The following IL1RAPL2 variants were observed in gnomAD, a reference collection of about 807,000 sequenced individuals.
IL1RAPL2 encodes the protein X-linked interleukin-1 receptor accessory protein-like 2.
In IL1RAPL2, 3 loss-of-function variants were observed where a neutral mutation model predicts 44.1. The ratio of observed to expected loss-of-function variants is 0.07; its 90% CI spans 0.03 to 0.18. The LOEUF is 0.18. Ranked by LOEUF, IL1RAPL2 falls within the 10% of genes least tolerant of loss-of-function variation. IL1RAPL2 has a pLI of 1.00. For synonymous variants in IL1RAPL2, 181 were observed against 178.8 expected, an observed-to-expected ratio of 1.01 and a Z score of -0.10; for missense variants, 391 against 496.4, an observed-to-expected ratio of 0.79 and a Z score of 2.02.
chrX:105,423,937 A>G (rs1306802349), intron 5 of IL1RAPL2, among the ~76,000 whole-genome samples: 1 of 110,499 alleles, frequency 9.0e-6, no homozygotes, highest in Non-Finnish European at 1.9e-5. Context: ...GAGATCAGGG[A>G]TTATCTGGAG....
chrX:104,724,652 C>T (rs796722408), intron 2 of IL1RAPL2, among the ~76,000 whole-genome samples: 1 of 111,068 alleles, frequency 9.0e-6, no homozygotes, highest in Non-Finnish European at 1.9e-5. Context: ...TGTTAAAAAC[C>T]ACCAAAAAGG....
At chrX:104,774,436 CTAAG>C (rs1234585657) in intron 2 of IL1RAPL2, among the ~76,000 whole-genome samples, 1 of 111,861 alleles carries the variant, frequency 8.9e-6, no homozygotes, top group East Asian at 2.8e-4. Context: ...TTGTGCATGA[CTAAG>C]TAGTAGTACT....
At chrX:104,842,206 C>T (rs185313409) in intron 2 of IL1RAPL2, among the ~76,000 whole-genome samples, 69 of 109,373 alleles carry the variant, frequency 6.3e-4, no homozygotes, top group Non-Finnish European at 1.1e-3. Context: ...GTATGCTTCA[C>T]GAAGTTCTCG....
intron 5 of IL1RAPL2, among the ~76,000 whole-genome samples, chrX:105,418,763 A>G (rs2035752817): frequency 8.9e-6 from 1 of 112,044 alleles, no homozygotes; most frequent in Admixed American, 9.5e-5. Context: ...AATACCCAGC[A>G]TACTTGTCAT....
At chrX:104,688,668 CCT>C (rs1323973535) in intron 2 of IL1RAPL2, among the ~76,000 whole-genome samples, 1 of 111,758 alleles carries the variant, frequency 8.9e-6, no homozygotes, top group Non-Finnish European at 1.9e-5. Flanking sequence ...AAGATTTTCA[CCT>C]CTCTTGTTTA....
intron 6 of IL1RAPL2, among the ~76,000 whole-genome samples, chrX:105,591,382 G>A (rs1342814692): frequency 6.4e-5 from 7 of 109,996 alleles, no homozygotes; most frequent in Non-Finnish European, 1.3e-4. Flanking sequence ...TGGTGTCTTC[G>A]ATTTTTTGTG....
chrX:105,406,648 G>T (rs2035647618), intron 5 of IL1RAPL2: 1 of 1,148,765 alleles, frequency 8.7e-7, no homozygotes, highest in Admixed American at 2.2e-5. Flanking sequence ...AATCTTTGCT[G>T]TGCAAATCTT....
intron 2 of IL1RAPL2, among the ~76,000 whole-genome samples, chrX:104,940,177 CTCT>C (rs1925129939): frequency 9.0e-6 from 1 of 111,573 alleles, no homozygotes; most frequent in African/African-American, 3.3e-5. Flanking sequence ...CCGTAAGTTC[CTCT>C]TCTTAAATAT....
At position 105,761,262 on chromosome X, in the gene IL1RAPL2, C is replaced by T. The variant is rs996876045; in HGVS notation, c.1364-5702C>T. ...ACACACACACACACACACACACACACGGCTAACTTAACATTATGTAGCCTC... is the reference window on the plus strand; with the variant it reads ...ACACACACACACACACACACACACATGGCTAACTTAACATTATGTAGCCTC... On this transcript the variant is annotated intron_variant, in intron 10 of 10. Coordinates refer to ENST00000372582, the MANE Select transcript of IL1RAPL2 (RefSeq NM_017416.2). Among the ~76,000 whole-genome samples, 5 of 104,715 alleles carry T rather than the reference C, an allele frequency of 4.8e-5. No individual in the cohort carries two copies. The East Asian group carries it at 1.5e-3, about 31-fold the overall frequency. 90.9% of individuals were successfully genotyped at this position (104,715 alleles called of 115,157 possible). A position where few individuals can be genotyped will look rare whatever the true frequency, so the allele number is the denominator to read the frequency against.
intron 6 of IL1RAPL2, among the ~76,000 whole-genome samples, chrX:105,486,562 C>T (rs956452776): frequency 1.6e-4 from 18 of 110,923 alleles, no homozygotes; most frequent in Non-Finnish European, 3.8e-5. Context: ...ATTTTACTTA[C>T]ATTTCTCTAC....
chrX:105,115,455 G>A (rs1220871090), intron 2 of IL1RAPL2, among the ~76,000 whole-genome samples: 2 of 111,295 alleles, frequency 1.8e-5, no homozygotes, highest in East Asian at 5.7e-4. Flanking sequence ...CTGATTGGTG[G>A]GTTTACAATC....
chrX:105,717,496 G>T lies in IL1RAPL2; in HGVS notation c.902G>T (p.Arg301Met). ...LAGHIREGEI[R>M]LLKEHLGEKE... ...GGTCACATTAGAGAAGGTGAAATAA[G>T]GTAGAGAGCTTGAATTGCTTATCTT... Residue 301 changes from arginine (R) to methionine (M), a missense_variant and splice_region_variant, in exon 7 of 11, where the codon AGG (arginine) becomes ATG (methionine). Arg to Met is a moderately conservative substitution (Grantham distance 91, BLOSUM62 -1). This residue lies in a region of IL1RAPL2 where 159 missense variants were observed against 251.7 expected (regional missense o/e 0.63). Coordinates refer to ENST00000372582, the MANE Select transcript of IL1RAPL2 (RefSeq NM_017416.2). 1 of 1,194,049 alleles carries T rather than the reference G, an allele frequency of 8.4e-7. No homozygotes were observed. The highest frequency in any genetic ancestry group is 1.8e-5 in the South Asian group (1 of 54,514).
chrX:104,889,314 T>C (rs1024735335), intron 2 of IL1RAPL2, among the ~76,000 whole-genome samples: 2 of 111,535 alleles, frequency 1.8e-5, no homozygotes, highest in Admixed American at 1.9e-4. Context: ...AAACGGTGTT[T>C]TCTCCAATGG....
chrX:105,217,374 G>T (rs782039118), intron 3 of IL1RAPL2, among the ~76,000 whole-genome samples: 1 of 112,224 alleles, frequency 8.9e-6, no homozygotes, highest in African/African-American at 3.2e-5. Flanking sequence ...GGCCATCAGG[G>T]AAATGCAAAT....
In IL1RAPL2 at chrX:104,949,486, T is replaced by C. The variant is rs768568874; in HGVS notation, c.83-245989T>C. Among the ~76,000 whole-genome samples the C allele has an allele frequency of 4.3e-4, 45 of 105,625 alleles. 1 individual carries two copies. The South Asian group carries it at 6.6e-3, about 16-fold the overall frequency. 91.7% of individuals were successfully genotyped at this position (105,625 alleles called of 115,157 possible). ...CTTTTGAATGTGTTTGCTCTTGCTT[T>C]TCTAGTTCTTTTAATTGTGATGTTA... is the stretch of plus-strand genomic sequence containing the variant. On this transcript the variant is annotated intron_variant, in intron 2 of 10. Transcript: ENST00000372582.
intron 2 of IL1RAPL2, among the ~76,000 whole-genome samples, chrX:104,696,971 A>C (rs1569298895): frequency 2.7e-5 from 3 of 112,466 alleles, no homozygotes; most frequent in African/African-American, 9.7e-5. Flanking sequence ...CTCTGCTTTA[A>C]GTAAACTTGA....
chrX:104,946,068 T>C (rs1250380232), intron 2 of IL1RAPL2, among the ~76,000 whole-genome samples: 1 of 110,256 alleles, frequency 9.1e-6, no homozygotes, highest in Non-Finnish European at 1.9e-5. Context: ...TTTTTTTATA[T>C]TCCATGCTTG....
At chrX:105,183,488 C>G (rs187127903) in intron 2 of IL1RAPL2, among the ~76,000 whole-genome samples, 1 of 111,492 alleles carries the variant, frequency 9.0e-6, no homozygotes, top group Non-Finnish European at 1.9e-5. Flanking sequence ...CATGCTTCAA[C>G]GTCTAGTTGT....
chrX:105,549,609 T>G (rs1198073373), intron 6 of IL1RAPL2, among the ~76,000 whole-genome samples: 3 of 111,552 alleles, frequency 2.7e-5, no homozygotes, highest in Non-Finnish European at 5.6e-5. Context: ...GAGTCCAATA[T>G]GAAATGTGCT....
Sources: allele counts gnomAD v4.1 joint callset (sites outside exome capture counted in the v4.1 genomes callset), GRCh38; gene constraint gnomAD v4.1.1; regional missense constraint gnomAD v4.1.1; transcripts MANE v1.5; gene names NCBI Gene and HGNC (gene_info 2026-07-23, HGNC 2026-07-21).